CCSER1: variants seen among roughly 807,000 people sequenced by gnomAD.
CCSER1 encodes the protein serine-rich coiled-coil domain-containing protein 1.
In CCSER1, 41 loss-of-function variants were observed where a neutral mutation model predicts 82.0. The observed-to-expected ratio is 0.50, with a 90% CI of 0.39 to 0.65. The LOEUF (loss-of-function observed/expected upper bound fraction) is 0.65. CCSER1 is among the 30% of genes least tolerant of loss of function. The pLI is 0.00. For synonymous variants in CCSER1, 414 were observed against 383.9 expected (o/e 1.08, Z -0.92); for missense variants, 1,119 against 1,064.2 (o/e 1.05, Z -0.72).
chr4:91,451,561 A>C (rs1172185824), intron 10 of CCSER1, among the ~76,000 whole-genome samples: 2 of 152,024 alleles, frequency 1.3e-5, no homozygotes, highest in Non-Finnish European at 2.9e-5. Flanking sequence ...AGAAACATCC[A>C]GAAATGACAA....
chr4:90,718,148 T>A (rs1741983837), intron 6 of CCSER1, among the ~76,000 whole-genome samples: 1 of 152,190 alleles, frequency 6.6e-6, no homozygotes, highest in Non-Finnish European at 1.5e-5. Context: ...ATATATTTTC[T>A]GTGTAATTTT....
chr4:90,433,379 A>G (rs560218472), intron 4 of CCSER1, among the ~76,000 whole-genome samples: 1 of 152,236 alleles, frequency 6.6e-6, no homozygotes, highest in South Asian at 2.1e-4. Context: ...TGACTAATCT[A>G]CCAAGGGGAT....
intron 10 of CCSER1, among the ~76,000 whole-genome samples, chr4:91,286,796 CAA>C (rs1204877115): frequency 6.6e-6 from 1 of 151,704 alleles, no homozygotes; most frequent in Non-Finnish European, 1.5e-5. Flanking sequence ...TAGTAAACAT[CAA>C]GTTTCGTAAT....
chr4:91,130,072 T>A (rs1392148671), intron 10 of CCSER1: 1 of 151,778 alleles, frequency 6.6e-6, no homozygotes, highest in African/African-American at 2.4e-5. Context: ...AAATATGTAT[T>A]ATTTAAGAAA....
chr4:91,188,821 T>C (rs1734777999), intron 10 of CCSER1, among the ~76,000 whole-genome samples: 1 of 152,186 alleles, frequency 6.6e-6, no homozygotes, highest in Admixed American at 6.6e-5. Flanking sequence ...CTGGGCTATA[T>C]GCCTGTCAGA....
chr4:90,131,727 T>A (rs1280286715), intron 1 of CCSER1, among the ~76,000 whole-genome samples: 2 of 152,216 alleles, frequency 1.3e-5, no homozygotes, highest in Non-Finnish European at 2.9e-5. Context: ...TATAGAGCTA[T>A]GATACGGAGC....
At chr4:90,870,796 A>G (rs1357983617) in intron 8 of CCSER1, among the ~76,000 whole-genome samples, 1 of 147,892 alleles carries the variant, frequency 6.8e-6, no homozygotes, top group African/African-American at 2.5e-5. Context: ...ATTTAGCAGT[A>G]AAGCCACCAG....
intron 1 of CCSER1, among the ~76,000 whole-genome samples, chr4:90,293,204 CAAG>C (rs1731248559): frequency 6.7e-6 from 1 of 148,376 alleles, no homozygotes; most frequent in Non-Finnish European, 1.5e-5. Flanking sequence ...TCAAAAACAA[CAAG>C]AAACTATCAG....
intron 3 of CCSER1, among the ~76,000 whole-genome samples, chr4:90,324,497 G>T (rs1392974769): frequency 6.7e-6 from 1 of 149,830 alleles, no homozygotes; most frequent in African/African-American, 2.5e-5. Flanking sequence ...CATGTCCTTC[G>T]CCCACTTTTT....
intron 7 of CCSER1, among the ~76,000 whole-genome samples, chr4:90,779,258 C>G (rs1336168666): frequency 6.6e-6 from 1 of 151,982 alleles, no homozygotes; most frequent in Non-Finnish European, 1.5e-5. Flanking sequence ...TTTCTGTGTT[C>G]TCTTTTACAT....
intron 7 of CCSER1, among the ~76,000 whole-genome samples, chr4:90,778,432 G>T (rs1467903505): frequency 6.6e-6 from 1 of 151,660 alleles, no homozygotes; most frequent in Non-Finnish European, 1.5e-5. Context: ...TTGGATGACT[G>T]CAAGTAAGCC....
intron 9 of CCSER1, among the ~76,000 whole-genome samples, chr4:90,968,605 A>G (rs750915343): frequency 4.6e-5 from 7 of 152,096 alleles, no homozygotes; most frequent in African/African-American, 7.3e-5. Context: ...TCAAGAGGGA[A>G]CAGGAGGAGT....
intron 4 of CCSER1, among the ~76,000 whole-genome samples, chr4:90,452,179 A>G (rs1288897790): frequency 6.6e-6 from 1 of 152,096 alleles, no homozygotes; most frequent in African/African-American, 2.4e-5. Flanking sequence ...GTCTGTAATG[A>G]GAGTCCAGTC....
intron 10 of CCSER1, among the ~76,000 whole-genome samples, chr4:91,553,700 T>C (rs1762268355): frequency 1.3e-5 from 2 of 151,256 alleles, no homozygotes; most frequent in Admixed American, 6.6e-5. Flanking sequence ...TTATTCAATT[T>C]GTTGTTGCTC....
intron 1 of CCSER1, among the ~76,000 whole-genome samples, chr4:90,225,206 C>G (rs569697868): frequency 6.7e-6 from 1 of 149,780 alleles, no homozygotes; most frequent in African/African-American, 2.5e-5. Flanking sequence ...TTGGGACCAC[C>G]GGTGCACACC....
chr4:91,455,719 C>G (rs1756130303), intron 10 of CCSER1, among the ~76,000 whole-genome samples: 1 of 152,034 alleles, frequency 6.6e-6, no homozygotes, highest in Non-Finnish European at 1.5e-5. Flanking sequence ...AAACTCCCAG[C>G]ACTATGCCTG....
Position 90,681,526 on chromosome 4 carries a change from C to T in CCSER1, c.1933-42388C>T, listed in dbSNP as rs1286228299. Among the ~76,000 whole-genome samples, 3 of 11,780 alleles carry T rather than the reference C, an allele frequency of 2.5e-4. 1 individual carries two copies. Among genetic ancestry groups the T allele is most frequent in the African/African-American group, 5.9e-4 (2 of 3,370 alleles). 7.7% of individuals were successfully genotyped at this position (11,780 alleles called of 152,430 possible). On this transcript the variant is annotated intron_variant, in intron 6 of 10. Transcript: ENST00000509176. Reference sequence around the variant, plus strand: ...GCGTCCGTCACCCCTTTCTTTGACTCGAAAAGGGAACTCCCTGACCCCTTG... The same window carrying T: ...GCGTCCGTCACCCCTTTCTTTGACTTGAAAAGGGAACTCCCTGACCCCTTG...
chr4:90,751,877 A>T (rs953234834), intron 7 of CCSER1, among the ~76,000 whole-genome samples: 2 of 152,090 alleles, frequency 1.3e-5, no homozygotes, highest in Non-Finnish European at 1.5e-5. Flanking sequence ...TATAGGATAT[A>T]AGATTTGTTT....
Position 91,599,183 on chromosome 4 carries a change from G to GT in CCSER1, c.*134dup, listed in dbSNP as rs1388522250. The stretch of plus-strand genomic sequence containing the variant: ...GTTATAAACAGAGTTGTGTTGTTGG[G>GT]TTTTTTTTCTTAGTCATAAACAAAG... On this transcript the variant is annotated 3_prime_UTR_variant, in exon 11 of 11. Coordinates refer to ENST00000509176, the MANE Select transcript of CCSER1 (RefSeq NM_001145065.2). 63 of 1,208,476 alleles carry GT rather than the reference G, an allele frequency of 5.2e-5. No individual in the cohort carries two copies. Among genetic ancestry groups the GT allele is most frequent in the Middle Eastern group, 2.2e-4 (1 of 4,498 alleles). The allele number at this position is 1,208,476 out of a possible 1,614,324, so 74.9% of individuals were successfully genotyped here. A position where few individuals can be genotyped will look rare whatever the true frequency, so the allele number is the denominator to read the frequency against.
Sources: gnomAD v4.1 joint callset for allele counts (sites outside exome capture counted in the v4.1 genomes callset) on GRCh38, gnomAD v4.1.1 for gene constraint, MANE v1.5 for transcripts, NCBI Gene and HGNC (gene_info 2026-07-23, HGNC 2026-07-21) for gene names.